Variants in CORIN observed in about 807,000 individuals in gnomAD.
The protein encoded by CORIN is corin, serine peptidase.
CORIN carries 117 observed loss-of-function variants against 125.3 expected under a neutral mutation model. That is an observed-to-expected ratio of 0.93 (90% CI 0.80 to 1.09). The LOEUF is 1.09. Among genes scored for constraint, CORIN ranks in the 50% least tolerant of loss-of-function variants. The probability of loss-of-function intolerance (pLI) is 0.00; values close to 1 mark genes in which losing one functional copy is unlikely to be tolerated. For synonymous variants in CORIN, 450 were observed against 466.4 expected, an observed-to-expected ratio of 0.96 and a Z score of 0.45; for missense variants, 1,253 against 1,306.7, an observed-to-expected ratio of 0.96 and a Z score of 0.63.
intron 6 of CORIN, among the ~76,000 whole-genome samples, chr4:47,684,643 T>C (rs1008801608): frequency 6.6e-6 from 1 of 152,166 alleles, no homozygotes; most frequent in Non-Finnish European, 1.5e-5. Flanking sequence ...TGAAATAGTG[T>C]GTGTAAGGCA....
rs74831911 is a variant in CORIN at position 47,721,908 on chromosome 4, A to G, written c.799+22494T>C. ...ATTTTGTTTGTTTTATTCTGTTACT[A>G]CCTTAACCATATTCACCAGAGTGCA... On this transcript the variant is annotated intron_variant, in intron 5 of 21. Coordinates refer to ENST00000273857, the MANE Select transcript of CORIN (RefSeq NM_006587.4). Among the ~76,000 whole-genome samples the G allele has an allele frequency of 6.2e-3, 941 of 152,298 alleles. 28 individuals carry two copies. The East Asian group carries it at 0.077, about 13-fold the overall frequency.
chr4:47,656,569 T>C (rs1723991811), intron 12 of CORIN, among the ~76,000 whole-genome samples: 1 of 152,106 alleles, frequency 6.6e-6, no homozygotes, highest in African/African-American at 2.4e-5. Flanking sequence ...ATGCATTTGA[T>C]AAAATTCAAC....
intron 4 of CORIN, among the ~76,000 whole-genome samples, chr4:47,747,128 C>T (rs1728699139): frequency 6.6e-6 from 1 of 152,096 alleles, no homozygotes; most frequent in South Asian, 2.1e-4. Context: ...GCCAGCACCC[C>T]ACCTAGATGG....
At chr4:47,675,890 C>T (rs935081881) in intron 9 of CORIN, among the ~76,000 whole-genome samples, 1 of 152,092 alleles carries the variant, frequency 6.6e-6, no homozygotes, top group Non-Finnish European at 1.5e-5. Flanking sequence ...ATTTAAAGAG[C>T]AGTAGAAGCC....
chr4:47,665,042 G>A lies in CORIN; in HGVS notation c.1579C>T (p.Pro527Ser). 5 of 1,603,318 alleles carry A rather than the reference G, an allele frequency of 3.1e-6. No individual in the cohort carries two copies. Among genetic ancestry groups the A allele is most frequent in the Non-Finnish European group, 4.3e-6 (5 of 1,170,472 alleles). ...ATCCCATCATATTACCTGCAAGGAGGGATATGCTCGCCTGTATTCACATCA... is the reference window on the plus strand; with the variant it reads ...ATCCCATCATATTACCTGCAAGGAGAGATATGCTCGCCTGTATTCACATCA... ...KCDVNTGEHI[P>S]PCRALCEHSK... Residue 527 changes from proline to serine, a missense_variant, in exon 11 of 22, where the codon CCT (proline) becomes TCT (serine). Pro to Ser is a moderately conservative substitution (Grantham distance 74). Transcript: ENST00000273857.
At chr4:47,709,581 T>C (rs941038303) in intron 5 of CORIN, among the ~76,000 whole-genome samples, 3 of 152,152 alleles carry the variant, frequency 2.0e-5, no homozygotes, top group Non-Finnish European at 1.5e-5. Context: ...CATGAACCAC[T>C]GCACCTGGCC....
Position 47,838,001 on chromosome 4 carries a change from C to T in CORIN, c.-52G>A, listed in dbSNP as rs773125456. On this transcript the variant is annotated 5_prime_UTR_variant, in exon 1 of 22. Transcript: ENST00000273857. The stretch of plus-strand genomic sequence containing the variant: ...GTCCACTTTTATCTTGGTCGCTTTT[C>T]TCTCCTCTACGTGTCCCCCGGGGAG... 6.2e-7 allele frequency: 1 copy of T among 1,603,438 alleles called. No homozygotes were observed.
At chr4:47,793,330 T>C (rs1261345808) in intron 2 of CORIN, among the ~76,000 whole-genome samples, 1 of 152,148 alleles carries the variant, frequency 6.6e-6, no homozygotes, top group Non-Finnish European at 1.5e-5. Flanking sequence ...ATGAATGGAC[T>C]AATGGAAATG....
chr4:47,645,000 C>CAA (rs915256130), intron 14 of CORIN, 81 bp downstream of exon 14: 2 of 771,482 alleles, frequency 2.6e-6, no homozygotes, highest in Admixed American at 2.2e-5. Flanking sequence ...TATTTACACA[C>CAA]TTTTAGCTTG....
intron 4 of CORIN, among the ~76,000 whole-genome samples, chr4:47,750,407 G>T (rs1728845825): frequency 6.6e-6 from 1 of 152,052 alleles, no homozygotes. Context: ...TTCTTCATTT[G>T]TAATAGTCAT....
At chr4:47,785,543 T>C (rs1335854530) in intron 3 of CORIN, among the ~76,000 whole-genome samples, 1 of 151,972 alleles carries the variant, frequency 6.6e-6, no homozygotes, top group Non-Finnish European at 1.5e-5. Context: ...TTCACCAACA[T>C]GTAAAATAAA....
chr4:47,613,612 G>A (rs1005797436), intron 19 of CORIN, among the ~76,000 whole-genome samples: 7 of 151,556 alleles, frequency 4.6e-5, no homozygotes, highest in African/African-American at 1.5e-4. Context: ...TATACACCAT[G>A]GAATACTATG....
intron 2 of CORIN, among the ~76,000 whole-genome samples, chr4:47,798,697 A>G (rs73137906): frequency 6.6e-6 from 1 of 152,126 alleles, no homozygotes; most frequent in Admixed American, 6.6e-5. Flanking sequence ...TCTCTTTTTT[A>G]TAAATTTCAA....
chr4:47,626,593 C>T (rs1722579895), intron 16 of CORIN, 72 bp from the exon 17 acceptor site: 2 of 916,200 alleles, frequency 2.2e-6, no homozygotes, highest in Non-Finnish European at 3.6e-6. Flanking sequence ...CATTATTTAG[C>T]ACTCATTCCC....
At chr4:47,673,289 T>C (rs1183269646) in intron 10 of CORIN, among the ~76,000 whole-genome samples, 1 of 151,264 alleles carries the variant, frequency 6.6e-6, no homozygotes, top group Admixed American at 6.6e-5. Flanking sequence ...GGCAGGAGAA[T>C]CGCTTGAACC....
chr4:47,805,150 ATAATAAT>A (rs1323902584), intron 2 of CORIN, among the ~76,000 whole-genome samples: 1 of 134,136 alleles, frequency 7.5e-6, no homozygotes, highest in Non-Finnish European at 1.6e-5. Context: ...AAAAAAAAAA[ATAATAAT>A]AATAATAATA....
chr4:47,627,760 C>A (rs1457920097), intron 16 of CORIN, among the ~76,000 whole-genome samples: 1 of 152,176 alleles, frequency 6.6e-6, no homozygotes, highest in Non-Finnish European at 1.5e-5. Flanking sequence ...TGCGATAGAA[C>A]TACCTATGGA....
chr4:47,634,780 T>A (rs1447897080), intron 16 of CORIN, among the ~76,000 whole-genome samples: 1 of 152,074 alleles, frequency 6.6e-6, no homozygotes, highest in East Asian at 1.9e-4. Flanking sequence ...CCTCAACCAA[T>A]CCCAGACCCA....
chr4:47,823,648 G>A (rs1205672641), intron 1 of CORIN, among the ~76,000 whole-genome samples: 1 of 152,128 alleles, frequency 6.6e-6, no homozygotes, highest in Admixed American at 6.6e-5. Context: ...CCATATCACA[G>A]AGGTCCAGAT....
Sources: gnomAD v4.1 joint callset for allele counts (sites outside exome capture counted in the v4.1 genomes callset) on GRCh38, gnomAD v4.1.1 for gene constraint, MANE v1.5 for transcripts, NCBI Gene and HGNC (gene_info 2026-07-23, HGNC 2026-07-21) for gene names.